Variants in PCDHGB3 observed in about 807,000 individuals in gnomAD.
PCDHGB3 encodes protocadherin gamma subfamily B, 3, also known as protocadherin gamma-B3.
In PCDHGB3, 40 loss-of-function variants were observed where a neutral mutation model predicts 59.2. That is an observed-to-expected ratio of 0.68 (90% confidence interval 0.52 to 0.88). The LOEUF (loss-of-function observed/expected upper bound fraction) is 0.88, where lower values mean the gene tolerates loss of function less well. Ranked by LOEUF, PCDHGB3 falls within the 40% of genes least tolerant of loss-of-function variation. The pLI, the probability that PCDHGB3 is intolerant of heterozygous loss-of-function variation, is 0.00. For missense variants in PCDHGB3, 1,309 were observed against 1,187.9 expected, an observed-to-expected ratio of 1.10 and a Z score of -1.50; for synonymous variants, 581 against 503.6, an observed-to-expected ratio of 1.15 and a Z score of -2.06.
chr5:141,433,017 A>T, intron 1 of PCDHGB3: 1 of 1,614,124 alleles, frequency 6.2e-7, no homozygotes, highest in Non-Finnish European at 8.5e-7. Flanking sequence ...CTGCAGACCT[A>T]TTCCCACGAG....
intron 1 of PCDHGB3, among the ~76,000 whole-genome samples, chr5:141,483,276 TA>T (rs755290434): frequency 2.2e-4 from 33 of 152,238 alleles, no homozygotes; most frequent in Non-Finnish European, 3.8e-4. Context: ...TTAGAAATAT[TA>T]TTCTGTCAGT....
intron 3 of PCDHGB3, 99 bp from the exon 4 acceptor site, chr5:141,510,848 G>A: frequency 6.3e-7 from 1 of 1,596,080 alleles, no homozygotes. Flanking sequence ...TCAAGGCCCA[G>A]GGTGCTGTAT....
At position 141,490,370 on chromosome 5, in the gene PCDHGB3, G is replaced by C. The variant is rs768474199; in HGVS notation, c.2416-4437G>C. ...GTGGGGTTGTTTAATGTGCGAGACC[G>C]GGACTCAGGTAGAAATGGTGAAGTG... On this transcript the variant is annotated intron_variant, in intron 1 of 3. Coordinates refer to ENST00000576222, the MANE Select transcript of PCDHGB3 (RefSeq NM_018924.5). The surrounding 1 kb of genome is among the most constrained non-coding windows in gnomAD (Gnocchi z 5.4). 1 of 1,614,172 alleles carries C rather than the reference G, an allele frequency of 6.2e-7. No individual in the cohort carries two copies. Among genetic ancestry groups the C allele is most frequent in the Admixed American group, 1.7e-5 (1 of 60,026 alleles).
At chr5:141,374,519 G>A (rs769907625) in intron 1 of PCDHGB3, 5 of 1,612,332 alleles carry the variant, frequency 3.1e-6, no homozygotes, top group Admixed American at 1.7e-5. Context: ...TCTCGAAAAC[G>A]CAGCTCCATC....
intron 1 of PCDHGB3, chr5:141,410,783 T>C (rs2095423369): frequency 1.1e-6 from 1 of 919,042 alleles, no homozygotes; most frequent in East Asian, 2.7e-5. Flanking sequence ...ACTATGTATT[T>C]GGTTCATAAG....
rs754034325 is a variant in PCDHGB3 at position 141,413,380 on chromosome 5, C to T, written c.2415+40571C>T. On this transcript the variant is annotated intron_variant, in intron 1 of 3. Coordinates refer to ENST00000576222, the MANE Select transcript of PCDHGB3 (RefSeq NM_018924.5). ...CCGGGAGCTGGCGGAGCGCGGAGTC[C>T]GCATAGTCTCCAGAGGTAGGACGCA... is the stretch of plus-strand genomic sequence containing the variant. 4 of 1,613,962 alleles carry T rather than the reference C, an allele frequency of 2.5e-6. No individual in the cohort carries two copies. In the Middle Eastern group the frequency reaches 5.0e-4, roughly 200 times the overall value.
intron 1 of PCDHGB3, chr5:141,398,904 C>T: frequency 6.2e-7 from 1 of 1,613,930 alleles, no homozygotes; most frequent in Non-Finnish European, 8.5e-7. Context: ...CACCAGGCAC[C>T]ACTGTGTTGC....
rs1270447529 is a variant in PCDHGB3 at position 141,490,526 on chromosome 5, C to A, written c.2416-4281C>A. 3 of 1,614,116 alleles carry A rather than the reference C, an allele frequency of 1.9e-6. No homozygotes were observed. Among genetic ancestry groups the A allele is most frequent in the Non-Finnish European group, 2.5e-6 (3 of 1,180,008 alleles). On this transcript the variant is annotated intron_variant, in intron 1 of 3. Transcript: ENST00000576222. This position sits in a 1 kb window ranked among gnomAD's most constrained non-coding sequence, Gnocchi z 5.4. ...ATCATCGAGCTGCTGGCCAGCGATG[C>A]TGGTTCACCTTCCCTACACAAACAT...
intron 1 of PCDHGB3, among the ~76,000 whole-genome samples, chr5:141,492,394 G>C (rs2099740158): frequency 6.6e-6 from 1 of 152,220 alleles, no homozygotes; most frequent in African/African-American, 2.4e-5. Context: ...CGGTCCACTC[G>C]CAGCTCCCCT....
chr5:141,371,304 A>G lies in PCDHGB3; in HGVS notation c.910A>G (p.Ile304Val), dbSNP rs745344777. 18 of 1,613,870 alleles carry G rather than the reference A, an allele frequency of 1.1e-5. No individual in the cohort carries two copies. Among genetic ancestry groups the G allele is most frequent in the East Asian group, 4.5e-5 (2 of 44,894 alleles). Residue 304 changes from isoleucine (I) to valine (V), a missense_variant, in exon 1 of 4, where the codon ATT (isoleucine) becomes GTT (valine). Ile to Val is a conservative substitution (Grantham distance 29). Transcript: ENST00000576222. ...CAGTAAAACGGGGGAACTCACCACT[A>G]TTGGAGAACTGGACTTTGAAGAGAG... ...LDSKTGELTT[I>V]GELDFEERDS...
At position 141,393,679 on chromosome 5, in the gene PCDHGB3, C is replaced by T. The variant is rs1188443485; in HGVS notation, c.2415+20870C>T. 4.3e-6 allele frequency: 7 copies of T among 1,613,894 alleles called. No individual in the cohort carries two copies. Among genetic ancestry groups the T allele is most frequent in the Non-Finnish European group, 5.9e-6 (7 of 1,179,900 alleles). ...TTCCGGAAAATTAATGAAAAACAAA[C>T]TCCGTTATTCCAGCTTAATGAAAAT... On this transcript the variant is annotated intron_variant, in intron 1 of 3. Transcript: ENST00000576222.
intron 1 of PCDHGB3, chr5:141,441,728 G>T: frequency 2.8e-6 from 1 of 361,966 alleles, no homozygotes. Flanking sequence ...CCCGCGACCA[G>T]GACTAGCTCG....
chr5:141,431,190 A>G lies in PCDHGB3; in HGVS notation c.2415+58381A>G, dbSNP rs1363655439. 1 of 1,614,228 alleles carries G rather than the reference A, an allele frequency of 6.2e-7. No homozygotes were observed. Among genetic ancestry groups the G allele is most frequent in the Non-Finnish European group, 8.5e-7 (1 of 1,180,038 alleles). ...AGTGAATTAGAAATAAAAATTAGTGAAAATGCAGCCACTGAGATGCGGTTC... is the reference window on the plus strand; with the variant it reads ...AGTGAATTAGAAATAAAAATTAGTGGAAATGCAGCCACTGAGATGCGGTTC... On this transcript the variant is annotated intron_variant, in intron 1 of 3. Transcript: ENST00000576222. This position sits in a 1 kb window ranked among gnomAD's most constrained non-coding sequence, Gnocchi z 4.8.
intron 1 of PCDHGB3, chr5:141,415,390 G>A (rs1191160575): frequency 1.2e-6 from 2 of 1,614,224 alleles, no homozygotes; most frequent in South Asian, 2.2e-5. Flanking sequence ...CTTGACAGGT[G>A]TGTCCGGCTC....
At position 141,376,180 on chromosome 5, in the gene PCDHGB3, G is replaced by C. The variant is rs113596971; in HGVS notation, c.2415+3371G>C. On this transcript the variant is annotated intron_variant, in intron 1 of 3. Transcript: ENST00000576222. Reference sequence around the variant, plus strand: ...TGTACCTGGTGGTGGCGGTGGCCGCGGTCTCCTGCGTCTTCCTGGCCTTCG... The same window carrying C: ...TGTACCTGGTGGTGGCGGTGGCCGCCGTCTCCTGCGTCTTCCTGGCCTTCG... The C allele has an allele frequency of 1.9e-3, 3,099 of 1,614,100 alleles. 61 individuals are homozygous for C. The African/African-American group carries it at 0.034, about 18-fold the overall frequency.
At position 141,387,719 on chromosome 5, in the gene PCDHGB3, C is replaced by T. The variant is rs953272587; in HGVS notation, c.2415+14910C>T. The T allele has an allele frequency of 4.5e-6, 5 of 1,115,502 alleles. No homozygotes were observed. In the African/African-American group the frequency reaches 4.7e-5, roughly 11 times the overall value. 69.1% of individuals were successfully genotyped at this position (1,115,502 alleles called of 1,614,324 possible). On this transcript the variant is annotated intron_variant, in intron 1 of 3. Transcript: ENST00000576222. The stretch of plus-strand genomic sequence containing the variant: ...TTCCAGGGCAGCCCCAGCTCAGACT[C>T]CCCAGCGCCAGCCTTTACACCGCTT...
At chr5:141,465,742 A>G (rs1425097489) in intron 1 of PCDHGB3, among the ~76,000 whole-genome samples, 1 of 151,214 alleles carries the variant, frequency 6.6e-6, no homozygotes, top group Non-Finnish European at 1.5e-5. Flanking sequence ...TGTTTTCAGG[A>G]TCAGACTGGT....
intron 1 of PCDHGB3, among the ~76,000 whole-genome samples, chr5:141,480,895 A>G (rs1275670492): frequency 6.6e-6 from 1 of 152,048 alleles, no homozygotes; most frequent in African/African-American, 2.4e-5. Flanking sequence ...AAATGCAAAC[A>G]TTAGCTGGGC....
At chr5:141,460,981 GTGTATA>G (rs1450537646) in intron 1 of PCDHGB3, among the ~76,000 whole-genome samples, 10 of 121,882 alleles carry the variant, frequency 8.2e-5, no homozygotes, top group African/African-American at 3.1e-4. Flanking sequence ...GTGTGTGTGT[GTGTATA>G]TATATATATG....
Sources: gnomAD v4.1 joint callset for allele counts (sites outside exome capture counted in the v4.1 genomes callset) on GRCh38, gnomAD v4.1.1 for gene constraint, Gnocchi (gnomAD v3.1) non-coding constraint, MANE v1.5 for transcripts, NCBI Gene and HGNC (gene_info 2026-07-23, HGNC 2026-07-21) for gene names.